Variants in RBM27 observed in about 807,000 individuals in gnomAD.
The protein encoded by RBM27 is RNA binding motif protein 27.
RBM27 carries 22 observed loss-of-function variants against 135.3 expected under a neutral mutation model. The observed-to-expected ratio is 0.16, with a 90% CI of 0.12 to 0.23. The LOEUF is 0.23. Ranked by LOEUF, RBM27 falls within the 10% of genes least tolerant of loss-of-function variation. The probability of loss-of-function intolerance (pLI) is 1.00; values close to 1 mark genes in which losing one functional copy is unlikely to be tolerated. For missense variants in RBM27, 1,009 were observed against 1,281.0 expected (o/e 0.79, Z 3.24); for synonymous variants, 481 against 442.4 (o/e 1.09, Z -1.10).
chr5:146,277,689 A>ATT (rs760787929), intron 19 of RBM27, among the ~76,000 whole-genome samples: 9 of 138,344 alleles, frequency 6.5e-5, no homozygotes, highest in African/African-American at 1.1e-4. Flanking sequence ...GGCCCAGCTA[A>ATT]TTTTTTTTTT....
At chr5:146,250,770 C>CTTTTTTTTTTTTTTT (rs58027855) in intron 8 of RBM27, among the ~76,000 whole-genome samples, 12 of 72,648 alleles carry the variant, frequency 1.7e-4, no homozygotes, top group Non-Finnish European at 2.2e-4. Flanking sequence ...TTTTTTTGTC[C>CTTTTTTTTTTTTTTT]TTTTTTTTTT....
At chr5:146,204,277 G>A (rs1361600464) in intron 1 of RBM27, among the ~76,000 whole-genome samples, 4 of 152,232 alleles carry the variant, frequency 2.6e-5, no homozygotes, top group African/African-American at 7.2e-5. Context: ...AAATATCGAG[G>A]GCATTTTCGA....
intron 14 of RBM27, 151 bp downstream of exon 14, chr5:146,263,782 T>G (rs1346067875): frequency 1.4e-5 from 14 of 1,016,650 alleles, no homozygotes; most frequent in Non-Finnish European, 1.7e-5. Context: ...CAGTCAGAAA[T>G]TTGCTGGTGA....
At chr5:146,263,778 G>A in intron 14 of RBM27, 147 bp downstream of exon 14, 1 of 1,026,924 alleles carries the variant, frequency 9.7e-7, no homozygotes, top group Non-Finnish European at 1.4e-6. Flanking sequence ...GTTTCAGTCA[G>A]AAATTTGCTG....
chr5:146,250,440 A>G (rs1757833003), intron 8 of RBM27, among the ~76,000 whole-genome samples: 1 of 151,812 alleles, frequency 6.6e-6, no homozygotes, highest in South Asian at 2.1e-4. Flanking sequence ...TCAAAAAAAA[A>G]AAAAAAAAAT....
intron 8 of RBM27, among the ~76,000 whole-genome samples, chr5:146,238,722 G>T: frequency 1.4e-5 from 2 of 145,890 alleles, no homozygotes; most frequent in African/African-American, 5.1e-5. Flanking sequence ...ATGTAACTAT[G>T]TATATCATAA....
At chr5:146,283,070 A>T (rs572102645) in intron 19 of RBM27, among the ~76,000 whole-genome samples, 25 of 152,354 alleles carry the variant, frequency 1.6e-4, no homozygotes, top group African/African-American at 5.8e-4. Context: ...TTACAGATTT[A>T]AAAATCTTTA....
rs754142870 is a variant in RBM27 at position 146,254,949 on chromosome 5, A to G, written c.1451A>G (p.Tyr484Cys). 4 of 1,580,504 alleles carry G rather than the reference A, an allele frequency of 2.5e-6. No individual in the cohort carries two copies. Among genetic ancestry groups the G allele is most frequent in the Non-Finnish European group, 3.5e-6 (4 of 1,157,108 alleles). ...TTGCTTTGTTTTCCCTCAGATACAT[A>G]TGAACCAGATGGTTACAACCCAGAA... ...SSPTPLVPDT[Y>C]EPDGYNPEAP... Residue 484 changes from tyrosine to cysteine, a missense_variant, in exon 10 of 21, where the codon TAT (tyrosine) becomes TGT (cysteine). Around this residue, in one of 6 missense-constraint regions of RBM27, gnomAD observed 329 missense variants for 368.1 expected, o/e 0.89. Transcript: ENST00000265271.
At chr5:146,260,923 G>T in intron 12 of RBM27, 25 bp downstream of exon 12, 1 of 1,590,520 alleles carries the variant, frequency 6.3e-7, no homozygotes, top group Non-Finnish European at 8.5e-7. Context: ...GTCAGTGACA[G>T]AATCCAGGCA....
chr5:146,285,770 C>T (rs1180165204), intron 20 of RBM27, among the ~76,000 whole-genome samples, 177 bp from the exon 21 acceptor site: 1 of 148,402 alleles, frequency 6.7e-6, no homozygotes, highest in Non-Finnish European at 1.5e-5. Flanking sequence ...AATTCATATT[C>T]ATTTACAAAA....
Position 146,263,549 on chromosome 5 carries a change from A to G in RBM27, c.2249A>G (p.His750Arg), listed in dbSNP as rs765951394. The change falls in exon 14 of 21, where the codon CAT (histidine) becomes CGT (arginine). Residue 750 changes from histidine (H) to arginine (R), a missense_variant. This residue lies in a region of RBM27 where 355 missense variants were observed against 427.3 expected (regional missense o/e 0.83). Coordinates refer to ENST00000265271, the MANE Select transcript of RBM27 (RefSeq NM_018989.2). The stretch of plus-strand genomic sequence containing the variant: ...GTTCTTAACAAAGTTCCTGTTAAAC[A>G]TCGTCTTGGACATGCAGGTGGTAAC... ...AYVLNKVPVKHRLGHAGGNQS... is the reference protein window; with the variant it reads ...AYVLNKVPVKRRLGHAGGNQS... 12 of 1,614,206 alleles carry G rather than the reference A, an allele frequency of 7.4e-6. No individual in the cohort carries two copies. Among genetic ancestry groups the G allele is most frequent in the East Asian group, 6.7e-5 (3 of 44,884 alleles).
intron 1 of RBM27, 104 bp downstream of exon 1, chr5:146,203,928 G>A: frequency 8.7e-7 from 1 of 1,148,802 alleles, no homozygotes; most frequent in Non-Finnish European, 1.2e-6. Context: ...GAGGGGCCGC[G>A]GCCGGGAGGT....
In RBM27 at chr5:146,261,048, T is replaced by A; in HGVS notation, c.1893+150T>A. Reference sequence around the variant, plus strand: ...GCCACCATATATCTATATACCCACTTTTATGATGGACTTGTTAAACCATGT... The same window carrying A: ...GCCACCATATATCTATATACCCACTATTATGATGGACTTGTTAAACCATGT... On this transcript the variant is annotated intron_variant, in intron 12 of 20. Transcript: ENST00000265271. 5.4e-6 allele frequency: 4 copies of A among 744,982 alleles called. No individual in the cohort carries two copies. The South Asian group carries it at 8.1e-5, about 15-fold the overall frequency. 46.1% of individuals were successfully genotyped at this position (744,982 alleles called of 1,614,324 possible). A position where few individuals can be genotyped will look rare whatever the true frequency, so the allele number is the denominator to read the frequency against.
At chr5:146,270,479 T>C (rs963637600) in intron 17 of RBM27, among the ~76,000 whole-genome samples, 1 of 152,176 alleles carries the variant, frequency 6.6e-6, no homozygotes, top group Non-Finnish European at 1.5e-5. Context: ...TTTTAAAAAT[T>C]AAAGAGGTGA....
chr5:146,213,677 T>A (rs930448694), intron 1 of RBM27, among the ~76,000 whole-genome samples: 1 of 152,230 alleles, frequency 6.6e-6, no homozygotes, highest in African/African-American at 2.4e-5. Context: ...AGGACCTTAC[T>A]CTTTGATCTT....
At chr5:146,259,208 A>C (rs538431279) in intron 11 of RBM27, among the ~76,000 whole-genome samples, 39 of 152,314 alleles carry the variant, frequency 2.6e-4, no homozygotes, top group African/African-American at 8.4e-4. Context: ...CAGAAGTTGA[A>C]AATATGCCGT....
At chr5:146,229,648 A>T in intron 4 of RBM27, 69 bp from the exon 5 acceptor site, 1 of 1,328,368 alleles carries the variant, frequency 7.5e-7, no homozygotes, top group Non-Finnish European at 1.1e-6. Flanking sequence ...AGTAGTATTT[A>T]TACTATAGAT....
Position 146,223,493 on chromosome 5 carries a change from C to T in RBM27, c.269C>T (p.Pro90Leu). 1 of 1,607,836 alleles carries T rather than the reference C, an allele frequency of 6.2e-7. No homozygotes were observed. Among genetic ancestry groups the T allele is most frequent in the South Asian group, 1.1e-5 (1 of 89,966 alleles). ...LLEPVKPEPKPLVQEKEEIKE... is the reference protein window; with the variant it reads ...LLEPVKPEPKLLVQEKEEIKE... ...GAACCAGTAAAGCCTGAGCCAAAAC[C>T]ACTAGTCCAAGAAAAAGAAGAAATT... The change falls in exon 3 of 21, where the codon CCA (proline) becomes CTA (leucine). Residue 90 changes from proline to leucine, a missense_variant. Physicochemically the swap from Pro to Leu is moderately conservative, Grantham distance 98 (BLOSUM62 -3). Around this residue, in one of 6 missense-constraint regions of RBM27, gnomAD observed 268 missense variants for 326.6 expected, o/e 0.82. Coordinates refer to ENST00000265271, the MANE Select transcript of RBM27 (RefSeq NM_018989.2).
Position 146,260,293 on chromosome 5 carries a change from C to A in RBM27, c.1740-452C>A, listed in dbSNP as rs561233305. 2.5e-3 allele frequency among the ~76,000 whole-genome samples: 377 copies of A among 148,258 alleles called. 4 individuals carry two copies. The highest frequency in any genetic ancestry group is 9.4e-3 in the African/African-American group (364 of 38,906). ...CAGCCTGGGCGAATGAGTGAGACTC[C>A]GTCTACAAAAAAAAAAAAGAAGAAT... On this transcript the variant is annotated intron_variant, in intron 11 of 20. Transcript: ENST00000265271.
Sources: gnomAD v4.1 joint callset for allele counts (sites outside exome capture counted in the v4.1 genomes callset) on GRCh38, gnomAD v4.1.1 for gene constraint, gnomAD v4.1.1 regional missense constraint, MANE v1.5 for transcripts, NCBI Gene and HGNC (gene_info 2026-07-23, HGNC 2026-07-21) for gene names.